TMEM132D: variants seen among roughly 807,000 people sequenced by gnomAD.
TMEM132D encodes the protein transmembrane protein 132D, also known as mature OL transmembrane protein.
A neutral mutation model predicts 62.3 loss-of-function variants in TMEM132D; 21 were observed. That is an observed-to-expected ratio of 0.34 (90% CI 0.24 to 0.49). TMEM132D has a LOEUF of 0.49. Among genes scored for constraint, TMEM132D ranks in the 20% least tolerant of loss-of-function variants. The probability of loss-of-function intolerance (pLI) is 0.99; values close to 1 mark genes in which losing one functional copy is unlikely to be tolerated. For missense variants in TMEM132D, 1,346 were observed against 1,402.8 expected (o/e 0.96, Z 0.65); for synonymous variants, 621 against 575.6 (o/e 1.08, Z -1.13).
chr12:129,647,563 C>A (rs180918288), intron 2 of TMEM132D, among the ~76,000 whole-genome samples: 1 of 152,166 alleles, frequency 6.6e-6, no homozygotes, highest in Non-Finnish European at 1.5e-5. Context: ...TACACTGCCA[C>A]GTGCAGAGTA....
At chr12:129,353,882 G>T (rs1869951818) in intron 3 of TMEM132D, among the ~76,000 whole-genome samples, 1 of 151,822 alleles carries the variant, frequency 6.6e-6, no homozygotes. Flanking sequence ...GGATTTGGAG[G>T]CATCTCTCGG....
At chr12:129,641,690 G>A (rs1302074551) in intron 2 of TMEM132D, among the ~76,000 whole-genome samples, 1 of 152,114 alleles carries the variant, frequency 6.6e-6, no homozygotes, top group Non-Finnish European at 1.5e-5. Flanking sequence ...GGGCCAGAGT[G>A]ACATGGAGCC....
At chr12:129,247,337 G>T (rs985734729) in intron 4 of TMEM132D, among the ~76,000 whole-genome samples, 15 of 152,096 alleles carry the variant, frequency 9.9e-5, no homozygotes. Flanking sequence ...GTTCCAAAAT[G>T]GTGCCATTTA....
intron 3 of TMEM132D, among the ~76,000 whole-genome samples, chr12:129,502,078 C>T (rs1305727448): frequency 1.3e-5 from 2 of 152,042 alleles, no homozygotes; most frequent in African/African-American, 2.4e-5. Flanking sequence ...CGACTCACTG[C>T]AACCTCCGCC....
At position 129,887,542 on chromosome 12, in the gene TMEM132D, T is replaced by C. The variant is rs569219473; in HGVS notation, c.79+15719A>G. Among the ~76,000 whole-genome samples, 3 of 152,338 alleles carry C rather than the reference T, an allele frequency of 2.0e-5. No individual in the cohort carries two copies. The South Asian group carries it at 6.2e-4, about 32-fold the overall frequency. Reference sequence around the variant, plus strand: ...ACACATATTGCCCCATAGCCTCCACTGCTGCGAAGTTCGGTTCCTACCCTT... The same window carrying C: ...ACACATATTGCCCCATAGCCTCCACCGCTGCGAAGTTCGGTTCCTACCCTT... On this transcript the variant is annotated intron_variant, in intron 1 of 8. Transcript: ENST00000422113.
chr12:129,133,650 C>T (rs1876446000), intron 5 of TMEM132D, among the ~76,000 whole-genome samples: 1 of 152,206 alleles, frequency 6.6e-6, no homozygotes, highest in Non-Finnish European at 1.5e-5. Context: ...TTGCTTTTGT[C>T]TTTCTTGCGT....
chr12:129,327,902 C>T (rs546949599), intron 4 of TMEM132D, among the ~76,000 whole-genome samples: 1 of 152,320 alleles, frequency 6.6e-6, no homozygotes, highest in South Asian at 2.1e-4. Flanking sequence ...CTGATGGGGT[C>T]TCTAGTACCC....
At chr12:129,255,113 C>T (rs995486283) in intron 4 of TMEM132D, among the ~76,000 whole-genome samples, 68 of 152,174 alleles carry the variant, frequency 4.5e-4, no homozygotes, top group African/African-American at 1.6e-3. Flanking sequence ...CCATGTGAGA[C>T]GTGTCTGGTC....
chr12:129,150,117 G>A (rs892106169), intron 5 of TMEM132D, among the ~76,000 whole-genome samples: 2 of 152,222 alleles, frequency 1.3e-5, no homozygotes, highest in African/African-American at 2.4e-5. Flanking sequence ...CAGGCCAGGG[G>A]CAAGCCCACA....
chr12:129,435,242 A>G (rs1211302111), intron 3 of TMEM132D, among the ~76,000 whole-genome samples: 2 of 152,196 alleles, frequency 1.3e-5, no homozygotes, highest in African/African-American at 2.4e-5. Flanking sequence ...GGTGGTTTCC[A>G]TATCTTGGCT....
At chr12:129,617,345 C>A (rs562197752) in intron 2 of TMEM132D, among the ~76,000 whole-genome samples, 183 of 152,338 alleles carry the variant, frequency 1.2e-3, no homozygotes, top group African/African-American at 4.0e-3. Context: ...CTTCTCCCAC[C>A]TACTCAACCC....
chr12:129,128,683 T>C (rs10847776), intron 5 of TMEM132D, among the ~76,000 whole-genome samples: 3,128 of 152,280 alleles, frequency 0.021, 172 homozygotes, highest in East Asian at 0.17. Flanking sequence ...GGGCTTCTAG[T>C]GTACCCATGA....
At chr12:129,661,309 G>T (rs753281085) in intron 2 of TMEM132D, among the ~76,000 whole-genome samples, 5 of 152,210 alleles carry the variant, frequency 3.3e-5, no homozygotes, top group Non-Finnish European at 5.9e-5. Flanking sequence ...GGCTGCAAAT[G>T]GTAGTGGTTG....
intron 2 of TMEM132D, among the ~76,000 whole-genome samples, chr12:129,692,652 G>A (rs1315870909): frequency 6.6e-6 from 1 of 152,156 alleles, no homozygotes; most frequent in Admixed American, 6.5e-5. Flanking sequence ...AGACACCATG[G>A]GATACTATGC....
intron 4 of TMEM132D, among the ~76,000 whole-genome samples, chr12:129,267,754 A>G (rs1473329610): frequency 2.0e-5 from 3 of 152,204 alleles, no homozygotes; most frequent in Non-Finnish European, 4.4e-5. Flanking sequence ...GAACAAAGCC[A>G]GAGGCATCAT....
At chr12:129,267,030 G>T (rs1880715965) in intron 4 of TMEM132D, among the ~76,000 whole-genome samples, 2 of 152,090 alleles carry the variant, frequency 1.3e-5, no homozygotes, top group South Asian at 2.1e-4. Flanking sequence ...ATCAAACGAA[G>T]GTCCTAGCAA....
intron 2 of TMEM132D, among the ~76,000 whole-genome samples, chr12:129,555,394 C>A (rs1386186845): frequency 6.6e-6 from 1 of 152,096 alleles, no homozygotes; most frequent in Non-Finnish European, 1.5e-5. Flanking sequence ...ACAGAATTAC[C>A]CTGGGATGAC....
chr12:129,320,495 C>G (rs182928861), intron 4 of TMEM132D, among the ~76,000 whole-genome samples: 247 of 152,254 alleles, frequency 1.6e-3, no homozygotes, highest in African/African-American at 5.7e-3. Flanking sequence ...TGTCTCATAG[C>G]TAGGAAGGGC....
intron 5 of TMEM132D, among the ~76,000 whole-genome samples, chr12:129,134,343 T>G (rs983577194): frequency 6.6e-6 from 1 of 152,132 alleles, no homozygotes; most frequent in African/African-American, 2.4e-5. Flanking sequence ...GATATGTTTG[T>G]TTTCTTTAAG....
Sources: gnomAD v4.1 joint callset for allele counts (sites outside exome capture counted in the v4.1 genomes callset) on GRCh38, gnomAD v4.1.1 for gene constraint, MANE v1.5 for transcripts, NCBI Gene and HGNC (gene_info 2026-07-23, HGNC 2026-07-21) for gene names.